Variants in SLC43A1 observed in about 807,000 individuals in gnomAD.
The protein encoded by SLC43A1 is solute carrier family 43 member 1, also known as large neutral amino acids transporter small subunit 3.
Under a neutral mutation model 59.5 loss-of-function variants are expected in SLC43A1, and 31 were observed. That is an observed-to-expected ratio of 0.52 (90% CI 0.39 to 0.70). SLC43A1 has a LOEUF of 0.70. Ranked by LOEUF, SLC43A1 falls within the 30% of genes least tolerant of loss-of-function variation. The pLI is 0.00. For synonymous variants in SLC43A1, 259 were observed against 290.9 expected (o/e 0.89, Z 1.12); for missense variants, 598 against 717.8 (o/e 0.83, Z 1.91).
At chr11:57,512,334 A>G (rs909608101) in intron 2 of SLC43A1, among the ~76,000 whole-genome samples, 2 of 152,108 alleles carry the variant, frequency 1.3e-5, no homozygotes, top group African/African-American at 4.8e-5. Flanking sequence ...GCTCATGTCT[A>G]TAATCCCAGC....
Position 57,484,967 on chromosome 11 carries a change from C to G in SLC43A1, c.*129G>C. 1 of 1,147,502 alleles carries G rather than the reference C, an allele frequency of 8.7e-7. No individual in the cohort carries two copies. Among genetic ancestry groups the G allele is most frequent in the Non-Finnish European group, 1.2e-6 (1 of 847,024 alleles). 71.1% of individuals were successfully genotyped at this position (1,147,502 alleles called of 1,614,324 possible). Reference sequence around the variant, plus strand: ...TGCAGTCTTTACAAAAATAGAACTTCTCTTGGTATTTATAAATCTACGGCC... The same window carrying G: ...TGCAGTCTTTACAAAAATAGAACTTGTCTTGGTATTTATAAATCTACGGCC... On this transcript the variant is annotated 3_prime_UTR_variant, in exon 15 of 15. Transcript: ENST00000278426.
chr11:57,511,613 A>G (rs1944548431), intron 2 of SLC43A1, among the ~76,000 whole-genome samples: 1 of 152,096 alleles, frequency 6.6e-6, no homozygotes, highest in Non-Finnish European at 1.5e-5. Flanking sequence ...CCAGACCATT[A>G]TTCATAATAG....
chr11:57,503,822 T>C (rs571737748), intron 2 of SLC43A1, among the ~76,000 whole-genome samples: 38 of 152,272 alleles, frequency 2.5e-4, no homozygotes, highest in Admixed American at 5.2e-4. Context: ...CCTTATAGTG[T>C]TGTAAATTAT....
At chr11:57,488,640 C>A (rs1257997896) in intron 13 of SLC43A1, among the ~76,000 whole-genome samples, 1 of 152,084 alleles carries the variant, frequency 6.6e-6, no homozygotes, top group Non-Finnish European at 1.5e-5. Context: ...TCAGGGTGGG[C>A]ATGGAGGGGA....
At position 57,498,820 on chromosome 11, in the gene SLC43A1, G is replaced by C. The variant is rs1235355664; in HGVS notation, c.466-975C>G. The stretch of plus-strand genomic sequence containing the variant: ...CAGGAGAGAATTTAATTGATCATGT[G>C]TTCCACTCACCTGCCTCAGCCAAGC... On this transcript the variant is annotated intron_variant, in intron 5 of 14. Coordinates refer to ENST00000278426, the MANE Select transcript of SLC43A1 (RefSeq NM_003627.6). 2.6e-5 allele frequency among the ~76,000 whole-genome samples: 4 copies of C among 152,282 alleles called. No individual in the cohort carries two copies. In the East Asian group the frequency reaches 7.7e-4, roughly 29 times the overall value.
In SLC43A1 at chr11:57,485,230, G is replaced by A; in HGVS notation, c.1546C>T (p.Leu516Phe). Reference sequence around the variant, plus strand: ...AATCCCAGGAGTGAGAATAGCAGGAGGCCCAGATTCACCTTTAGGGCAAGG... The same window carrying A: ...AATCCCAGGAGTGAGAATAGCAGGAAGCCCAGATTCACCTTTAGGGCAAGG... ...KGEPFWVNLGLLLFSLLGFLL... is the reference protein window; with the variant it reads ...KGEPFWVNLGFLLFSLLGFLL... The change falls in exon 15 of 15, where the codon CTC becomes TTC. Residue 516 changes from leucine (L) to phenylalanine (F), a missense_variant. By Grantham distance (22) the Leu-to-Phe change is conservative. Transcript: ENST00000278426. 3.7e-6 allele frequency: 6 copies of A among 1,613,008 alleles called. No homozygotes were observed. The highest frequency in any genetic ancestry group is 1.3e-5 in the African/African-American group (1 of 75,018).
At chr11:57,488,768 G>A in intron 13 of SLC43A1, 148 bp downstream of exon 13, 3 of 708,156 alleles carry the variant, frequency 4.2e-6, no homozygotes, top group Non-Finnish European at 7.6e-6. Context: ...AGCAGGATAG[G>A]CTGCCTTTAA....
chr11:57,496,777 G>A (rs146412862), intron 6 of SLC43A1, among the ~76,000 whole-genome samples: 1 of 152,344 alleles, frequency 6.6e-6, no homozygotes, highest in African/African-American at 2.4e-5. Context: ...CTGTGCAAAT[G>A]TGTCAGCCCT....
At chr11:57,494,326 G>C in intron 7 of SLC43A1, 155 bp from the exon 8 acceptor site, 1 of 668,880 alleles carries the variant, frequency 1.5e-6, no homozygotes, top group Non-Finnish European at 2.4e-6. Flanking sequence ...TGTTTCTGTT[G>C]CTCAGAGCTT....
In SLC43A1 at chr11:57,514,289, C is replaced by A; in HGVS notation, c.-13-165G>T. On this transcript the variant is annotated intron_variant, in intron 1 of 14. Coordinates refer to ENST00000278426, the MANE Select transcript of SLC43A1 (RefSeq NM_003627.6). This position sits in a 1 kb window ranked among gnomAD's most constrained non-coding sequence, Gnocchi z 5.5. ...AGCCGGTGCCAAGGAGCTGGCTCCGCGCGCACTAGCAGTGCCAGAGGTGCA... is the reference window on the plus strand; with the variant it reads ...AGCCGGTGCCAAGGAGCTGGCTCCGAGCGCACTAGCAGTGCCAGAGGTGCA... 1.3e-6 allele frequency: 1 copy of A among 754,406 alleles called. No individual in the cohort carries two copies. Among genetic ancestry groups the A allele is most frequent in the East Asian group, 2.7e-5 (1 of 36,578 alleles). 46.7% of individuals were successfully genotyped at this position (754,406 alleles called of 1,614,324 possible).
chr11:57,491,683 C>T (rs1418332991), intron 9 of SLC43A1, 33 bp downstream of exon 9: 1 of 1,614,192 alleles, frequency 6.2e-7, no homozygotes, highest in East Asian at 2.2e-5. Context: ...CCGCCTGTGC[C>T]CCCAACCCCC....
At chr11:57,495,759 G>C (rs1944062572) in intron 7 of SLC43A1, among the ~76,000 whole-genome samples, 1 of 152,188 alleles carries the variant, frequency 6.6e-6, no homozygotes, top group South Asian at 2.1e-4. Flanking sequence ...AGCAGTTTTA[G>C]GTTGCAGTGA....
chr11:57,498,072 AATTTTGTTT>A (rs1944141656), intron 5 of SLC43A1, among the ~76,000 whole-genome samples: 1 of 152,158 alleles, frequency 6.6e-6, no homozygotes, highest in African/African-American at 2.4e-5. Context: ...ACATTTTGTT[AATTTTGTTT>A]AATTCCAGGT....
intron 5 of SLC43A1, among the ~76,000 whole-genome samples, chr11:57,500,054 G>A (rs1343875766): frequency 6.6e-6 from 1 of 152,082 alleles, no homozygotes; most frequent in African/African-American, 2.4e-5. Flanking sequence ...GAGCCAGCCC[G>A]GCCAGGAACC....
chr11:57,495,075 C>T (rs1303496933), intron 7 of SLC43A1, among the ~76,000 whole-genome samples: 2 of 151,770 alleles, frequency 1.3e-5, no homozygotes, highest in Non-Finnish European at 2.9e-5. Context: ...CTAGAACTCC[C>T]GACCTCAGGC....
chr11:57,514,267 C>A lies in SLC43A1; in HGVS notation c.-13-143G>T. The A allele has an allele frequency of 3.9e-6, 4 of 1,025,466 alleles. No individual in the cohort carries two copies. Among genetic ancestry groups the A allele is most frequent in the Non-Finnish European group, 5.5e-6 (4 of 727,732 alleles). 63.5% of individuals were successfully genotyped at this position (1,025,466 alleles called of 1,614,324 possible). A position where few individuals can be genotyped will look rare whatever the true frequency, so the allele number is the denominator to read the frequency against. On this transcript the variant is annotated intron_variant, in intron 1 of 14. Coordinates refer to ENST00000278426, the MANE Select transcript of SLC43A1 (RefSeq NM_003627.6). This position sits in a 1 kb window ranked among gnomAD's most constrained non-coding sequence, Gnocchi z 5.5. The stretch of plus-strand genomic sequence containing the variant: ...CCCATAGAGCCCTGGGCTTCCCAGC[C>A]GGTGCCAAGGAGCTGGCTCCGCGCG...
rs1290166253 is a variant in SLC43A1, at chr11:57,487,975, GGAGTGAAGT to G, written c.1410-766_1410-758del. On this transcript the variant is annotated intron_variant, in intron 13 of 14. Transcript: ENST00000278426. Reference sequence around the variant, plus strand: ...ACAATGGAGGAGGGGGAGCTAGAGGGGAGTGAAGTGCTGGGGCCAGAGCTTGCAGGGCTT... The same window carrying G: ...ACAATGGAGGAGGGGGAGCTAGAGGGGCTGGGGCCAGAGCTTGCAGGGCTT... 3.3e-5 allele frequency among the ~76,000 whole-genome samples: 5 copies of G among 152,258 alleles called. No homozygotes were observed. The East Asian group carries it at 9.7e-4, about 29-fold the overall frequency.
intron 2 of SLC43A1, among the ~76,000 whole-genome samples, chr11:57,502,792 T>G (rs1944298562): frequency 6.6e-6 from 1 of 150,824 alleles, no homozygotes; most frequent in South Asian, 2.1e-4. Context: ...GAGGATTGCT[T>G]GAGCCCGGGC....
Position 57,514,141 on chromosome 11 carries a change from C to G in SLC43A1, c.-13-17G>C. The G allele has an allele frequency of 6.4e-7, 1 of 1,562,372 alleles. No individual in the cohort carries two copies. Among genetic ancestry groups the G allele is most frequent in the Non-Finnish European group, 8.6e-7 (1 of 1,157,146 alleles). On this transcript the variant is annotated splice_polypyrimidine_tract_variant and intron_variant, in intron 1 of 14. Coordinates refer to ENST00000278426, the MANE Select transcript of SLC43A1 (RefSeq NM_003627.6). This position sits in a 1 kb window ranked among gnomAD's most constrained non-coding sequence, Gnocchi z 5.5. ...GCCCCGAGCCTGCACAGAAACAGAG[C>G]GCTGGGTGAAGGGCCCCCCAGTGGC...
Sources: allele counts gnomAD v4.1 joint callset (sites outside exome capture counted in the v4.1 genomes callset), GRCh38; gene constraint gnomAD v4.1.1; non-coding constraint Gnocchi (gnomAD v3.1); transcripts MANE v1.5; gene names NCBI Gene and HGNC (gene_info 2026-07-23, HGNC 2026-07-21).